Variants in NFAM1 observed in about 807,000 individuals in gnomAD.
NFAM1 encodes NFAT activation molecule 1.
A neutral mutation model predicts 29.0 loss-of-function variants in NFAM1; 17 were observed. That is an observed-to-expected ratio of 0.59 (90% CI 0.40 to 0.88). The LOEUF (loss-of-function observed/expected upper bound fraction) is 0.88, where lower values mean the gene tolerates loss of function less well. Among genes scored for constraint, NFAM1 ranks in the 40% least tolerant of loss-of-function variants. The probability of loss-of-function intolerance (pLI) is 0.00; values close to 1 mark genes in which losing one functional copy is unlikely to be tolerated. For missense variants in NFAM1, 324 were observed against 344.6 expected (o/e 0.94, Z 0.47); for synonymous variants, 175 against 147.2 (o/e 1.19, Z -1.36).
At chr22:42,436,959 C>T (rs1037427374), upstream of NFAM1, 4 of 963,274 alleles carry the variant, frequency 4.2e-6, no homozygotes, top group East Asian at 4.6e-4. Flanking sequence ...GACTCACCTG[C>T]TTGAGGTCAC....
intron 4 of NFAM1, among the ~76,000 whole-genome samples, chr22:42,394,779 G>T (rs935123561): frequency 1.3e-5 from 2 of 152,158 alleles, no homozygotes; most frequent in African/African-American, 4.8e-5. Context: ...CACCATCATT[G>T]TATCAGAGGC....
chr22:42,407,619 C>T (rs562451564), intron 3 of NFAM1, among the ~76,000 whole-genome samples: 2 of 151,348 alleles, frequency 1.3e-5, no homozygotes, highest in South Asian at 2.1e-4. Flanking sequence ...GAGATGGTCT[C>T]CCTCTGTCGC....
chr22:42,399,073 A>G (rs1167236061), intron 3 of NFAM1, among the ~76,000 whole-genome samples: 1 of 152,184 alleles, frequency 6.6e-6, no homozygotes, highest in Admixed American at 6.5e-5. Context: ...TTCATTTAGC[A>G]AAAGAGGGAG....
At chr22:42,429,431 C>T (rs1294065604) in intron 1 of NFAM1, among the ~76,000 whole-genome samples, 2 of 152,082 alleles carry the variant, frequency 1.3e-5, no homozygotes, top group African/African-American at 2.4e-5. Context: ...GCCTGGCCAA[C>T]ACGGTGAAAA....
At chr22:42,426,912 G>A (rs575036225) in intron 1 of NFAM1, among the ~76,000 whole-genome samples, 29 of 152,210 alleles carry the variant, frequency 1.9e-4, no homozygotes, top group East Asian at 7.7e-4. Flanking sequence ...CAGGTGCCAC[G>A]CCCTGAGGCC....
intron 4 of NFAM1, among the ~76,000 whole-genome samples, chr22:42,397,007 C>T (rs1929551298): frequency 6.7e-6 from 1 of 150,070 alleles, no homozygotes; most frequent in African/African-American, 2.5e-5. Context: ...GCCTTCCAGG[C>T]GTGGAGTGGG....
intron 1 of NFAM1, among the ~76,000 whole-genome samples, chr22:42,412,228 G>A (rs1174874708): frequency 1.3e-5 from 2 of 151,422 alleles, no homozygotes; most frequent in African/African-American, 4.9e-5. Context: ...GCAAGAGTCC[G>A]TCTCAGAAAA....
At chr22:42,390,378 A>T (rs1430104616) in intron 4 of NFAM1, among the ~76,000 whole-genome samples, 1 of 152,170 alleles carries the variant, frequency 6.6e-6, no homozygotes, top group Non-Finnish European at 1.5e-5. Context: ...TCACAGTAAA[A>T]GGTAGCCATG....
intron 1 of NFAM1, among the ~76,000 whole-genome samples, chr22:42,432,017 G>A (rs570084092): frequency 4.7e-4 from 72 of 152,264 alleles, no homozygotes; most frequent in Non-Finnish European, 8.8e-4. Context: ...GCGAGGGAGA[G>A]AGCGCTGTCC....
intron 3 of NFAM1, among the ~76,000 whole-genome samples, chr22:42,405,522 C>T (rs1172688397): frequency 2.0e-5 from 3 of 151,940 alleles, no homozygotes; most frequent in Non-Finnish European, 4.4e-5. Context: ...GGAGGGAGGG[C>T]ATATATTGAG....
rs1929014088 is a variant in NFAM1, at chr22:42,383,131, C to G, written c.*2030G>C. On this transcript the variant is annotated 3_prime_UTR_variant, in exon 6 of 6. Coordinates refer to ENST00000329021, the MANE Select transcript of NFAM1 (RefSeq NM_145912.8). ...CCAGGGCACAGTGGTAAAGTTTAAC[C>G]CAGGCTCCCCTGTCTACCCCTGAAA... 1 of 152,546 alleles carries G rather than the reference C, an allele frequency of 6.6e-6. No homozygotes were observed. 9.4% of individuals were successfully genotyped at this position (152,546 alleles called of 1,614,324 possible).
chr22:42,431,885 A>G (rs1930812943), intron 1 of NFAM1, among the ~76,000 whole-genome samples: 2 of 150,146 alleles, frequency 1.3e-5, no homozygotes, highest in Admixed American at 1.3e-4. Context: ...CAGCCACGTG[A>G]GGTTCCTCGG....
At chr22:42,410,124 C>T (rs1412967225) in intron 2 of NFAM1, among the ~76,000 whole-genome samples, 1 of 152,200 alleles carries the variant, frequency 6.6e-6, no homozygotes, top group African/African-American at 2.4e-5. Flanking sequence ...CTATTGTCAG[C>T]CACCAGCCCA....
chr22:42,437,132 T>C (rs1569239943), upstream of NFAM1: 1 of 305,652 alleles, frequency 3.3e-6, no homozygotes, highest in Non-Finnish European at 4.7e-6. Context: ...CATGATTTTT[T>C]CTTTTTGTCT....
chr22:42,396,132 A>G (rs149719240), intron 4 of NFAM1, among the ~76,000 whole-genome samples: 21 of 152,254 alleles, frequency 1.4e-4, no homozygotes, highest in African/African-American at 3.1e-4. Flanking sequence ...GCAAAGTTCT[A>G]TGACCTCTAC....
intron 1 of NFAM1, among the ~76,000 whole-genome samples, chr22:42,426,701 T>C (rs1284551612): frequency 6.6e-6 from 1 of 152,116 alleles, no homozygotes; most frequent in Non-Finnish European, 1.5e-5. Flanking sequence ...GTGAGCCCCT[T>C]GGCCTGCAAG....
Position 42,399,319 on chromosome 22 carries a change from C to T in NFAM1, c.565-1363G>A, listed in dbSNP as rs558024595. 1.2e-3 allele frequency among the ~76,000 whole-genome samples: 177 copies of T among 151,742 alleles called. 2 individuals carry two copies. The highest frequency in any genetic ancestry group is 2.5e-3 in the East Asian group (13 of 5,152). ...AAAACTAGCTGGGCATGGTTGTGGG[C>T]GCCTGTAATCCCAGCTACTCGGGAG... On this transcript the variant is annotated intron_variant, in intron 3 of 5. Transcript: ENST00000329021.
At chr22:42,403,919 G>C (rs1929808818) in intron 3 of NFAM1, among the ~76,000 whole-genome samples, 2 of 152,156 alleles carry the variant, frequency 1.3e-5, no homozygotes, top group Admixed American at 1.3e-4. Context: ...AGCAAAGAAG[G>C]AGATCTCTGG....
At chr22:42,437,802 G>C in the NFAM1 span, among the ~76,000 whole-genome samples, 3 of 152,234 alleles carry the variant, frequency 2.0e-5, no homozygotes, top group Admixed American at 2.0e-4. Flanking sequence ...AGGGCAGTGG[G>C]GGTTCCGGGG....
Sources: gnomAD v4.1 joint callset for allele counts (sites outside exome capture counted in the v4.1 genomes callset) on GRCh38, gnomAD v4.1.1 for gene constraint, MANE v1.5 for transcripts, NCBI Gene and HGNC (gene_info 2026-07-23, HGNC 2026-07-21) for gene names.